Variants in DOK6 observed in about 807,000 individuals in gnomAD.
DOK6 encodes the protein downstream of tyrosine kinase 6.
Under a neutral mutation model 44.0 loss-of-function variants are expected in DOK6, and 22 were observed. The observed-to-expected ratio is 0.50, with a 90% confidence interval of 0.36 to 0.71. The LOEUF (loss-of-function observed/expected upper bound fraction) is 0.71. Among genes scored for constraint, DOK6 ranks in the 30% least tolerant of loss-of-function variants. DOK6 has a pLI of 0.00. For missense variants in DOK6, 340 were observed against 416.4 expected, an observed-to-expected ratio of 0.82 and a Z score of 1.60; for synonymous variants, 166 against 145.5, an observed-to-expected ratio of 1.14 and a Z score of -1.01.
chr18:69,624,951 C>G (rs1984523521), intron 3 of DOK6, among the ~76,000 whole-genome samples: 1 of 152,070 alleles, frequency 6.6e-6, no homozygotes, highest in African/African-American at 2.4e-5. Context: ...ACATCCCACT[C>G]TACTAAATAT....
Position 69,841,955 on chromosome 18 carries a change from T to TGTGTGCGC in DOK6, c.*577_*578insCGCGTGTG, listed in dbSNP as rs1405126269. 2.1e-5 allele frequency: 2 copies of TGTGTGCGC among 94,676 alleles called. No individual in the cohort carries two copies. The highest frequency in any genetic ancestry group is 1.2e-3 in the East Asian group (2 of 1,736). The allele number at this position is 94,676 out of a possible 1,614,324, so 5.9% of individuals were successfully genotyped here. On this transcript the variant is annotated 3_prime_UTR_variant, in exon 8 of 8. Coordinates refer to ENST00000382713, the MANE Select transcript of DOK6 (RefSeq NM_152721.6). ...AGGGCCCTGTAGCTCTACTCGTGTG[T>TGTGTGCGC]GTGTGTGCGTGTGTGTGTGTGTGTG...
intron 1 of DOK6, among the ~76,000 whole-genome samples, chr18:69,449,518 G>C (rs1415307170): frequency 1.3e-5 from 2 of 152,164 alleles, no homozygotes; most frequent in Non-Finnish European, 2.9e-5. Flanking sequence ...AACTTTATTG[G>C]GTCTTAAATA....
intron 1 of DOK6, among the ~76,000 whole-genome samples, chr18:69,552,663 T>C (rs865807832): frequency 2.0e-5 from 3 of 152,372 alleles, no homozygotes; most frequent in Middle Eastern, 3.4e-3. Flanking sequence ...ATAATCTGCA[T>C]GTTATTCAGT....
At position 69,773,812 on chromosome 18, in the gene DOK6, G is replaced by A. The variant is rs77485226; in HGVS notation, c.856+15939G>A. On this transcript the variant is annotated intron_variant, in intron 7 of 7. Coordinates refer to ENST00000382713, the MANE Select transcript of DOK6 (RefSeq NM_152721.6). ...ACTTAAAAATGTGTTAAGACTCTTG[G>A]TGGGAATGTAAACTAATACAACCAC... is the stretch of plus-strand genomic sequence containing the variant. Among the ~76,000 whole-genome samples the A allele has an allele frequency of 5.2e-3, 795 of 151,750 alleles. 5 individuals carry two copies. The highest frequency in any genetic ancestry group is 0.017 in the African/African-American group (709 of 41,444).
intron 7 of DOK6, among the ~76,000 whole-genome samples, chr18:69,774,451 A>T (rs563596907): frequency 2.3e-4 from 35 of 151,998 alleles, no homozygotes; most frequent in African/African-American, 7.9e-4. Context: ...ACAAATCACC[A>T]CTAAAAAACT....
intron 5 of DOK6, among the ~76,000 whole-genome samples, chr18:69,726,550 C>G (rs1191438367): frequency 6.6e-6 from 1 of 151,838 alleles, no homozygotes; most frequent in Non-Finnish European, 1.5e-5. Flanking sequence ...TGTTGTTGGA[C>G]TCTTAGTCCA....
chr18:69,536,768 A>G (rs2144577750), intron 1 of DOK6, among the ~76,000 whole-genome samples: 1 of 151,966 alleles, frequency 6.6e-6, no homozygotes, highest in East Asian at 1.9e-4. Context: ...TTTGTTTTAA[A>G]GGGACTTTTA....
rs200977737 is a variant in DOK6 at position 69,760,398 on chromosome 18, AT to A, written c.856+2534del. 9.2e-5 allele frequency among the ~76,000 whole-genome samples: 14 copies of A among 151,702 alleles called. 1 individual carries two copies. The highest frequency in any genetic ancestry group is 6.3e-4 in the South Asian group (3 of 4,758). ...GTAATCCCAGCACTTTGAGAGTTTG[AT>A]TTTTTTTTCCCCCAGAGCAGAAGCG... On this transcript the variant is annotated intron_variant, in intron 7 of 7. Coordinates refer to ENST00000382713, the MANE Select transcript of DOK6 (RefSeq NM_152721.6).
chr18:69,841,150 T>TA, intron 7 of DOK6, 94 bp from the exon 8 acceptor site: 1 of 1,483,992 alleles, frequency 6.7e-7, no homozygotes, highest in South Asian at 1.3e-5. Context: ...TTCTTAAAAA[T>TA]ATAGATAGAT....
At chr18:69,461,030 C>T (rs886547232) in intron 1 of DOK6, among the ~76,000 whole-genome samples, 2 of 152,130 alleles carry the variant, frequency 1.3e-5, no homozygotes, top group East Asian at 3.8e-4. Flanking sequence ...TTTCCCATAG[C>T]CTTGCTCTTA....
intron 1 of DOK6, among the ~76,000 whole-genome samples, chr18:69,498,614 A>G (rs1980961830): frequency 3.9e-5 from 6 of 152,228 alleles, no homozygotes; most frequent in Admixed American, 3.3e-4. Flanking sequence ...AACTTAGTGT[A>G]TAAGTTACCC....
chr18:69,624,696 T>C (rs1023325496), intron 3 of DOK6, among the ~76,000 whole-genome samples: 3 of 152,118 alleles, frequency 2.0e-5, no homozygotes, highest in African/African-American at 7.2e-5. Context: ...TGTGTGGGGT[T>C]ATTTTCTAAG....
intron 4 of DOK6, among the ~76,000 whole-genome samples, chr18:69,684,014 G>C (rs925876707): frequency 2.0e-5 from 3 of 152,188 alleles, no homozygotes; most frequent in African/African-American, 7.2e-5. Flanking sequence ...TACAGGGAAA[G>C]CTGAAAGGCA....
intron 7 of DOK6, among the ~76,000 whole-genome samples, chr18:69,767,947 T>C (rs903464411): frequency 6.6e-6 from 1 of 152,176 alleles, no homozygotes; most frequent in Non-Finnish European, 1.5e-5. Flanking sequence ...TTACACTGGA[T>C]TAGTATAATC....
chr18:69,716,933 T>C (rs963535318), intron 5 of DOK6, among the ~76,000 whole-genome samples: 1 of 152,178 alleles, frequency 6.6e-6, no homozygotes, highest in Admixed American at 6.5e-5. Flanking sequence ...TACTAGAATG[T>C]CATTTAAATG....
chr18:69,664,870 A>T (rs1985616343), intron 3 of DOK6, among the ~76,000 whole-genome samples: 1 of 152,178 alleles, frequency 6.6e-6, no homozygotes, highest in African/African-American at 2.4e-5. Context: ...CTCACTGAAC[A>T]TCATTTTCTT....
intron 7 of DOK6, among the ~76,000 whole-genome samples, chr18:69,823,201 C>A (rs1330088724): frequency 2.6e-5 from 4 of 152,026 alleles, no homozygotes; most frequent in African/African-American, 9.7e-5. Context: ...TCCAAAGACA[C>A]AAAAGTAAAT....
chr18:69,687,968 T>G (rs146144893), intron 4 of DOK6, among the ~76,000 whole-genome samples: 6 of 152,272 alleles, frequency 3.9e-5, no homozygotes, highest in African/African-American at 9.6e-5. Flanking sequence ...AAAGTAACTA[T>G]AGCTAACAAG....
intron 1 of DOK6, among the ~76,000 whole-genome samples, chr18:69,426,326 A>C (rs553278837): frequency 7.9e-4 from 120 of 152,282 alleles, no homozygotes; most frequent in South Asian, 2.7e-3. Flanking sequence ...TTTGCATTTT[A>C]GGATTTGTTT....
Sources: gnomAD v4.1 joint callset for allele counts (sites outside exome capture counted in the v4.1 genomes callset) on GRCh38, gnomAD v4.1.1 for gene constraint, MANE v1.5 for transcripts, NCBI Gene and HGNC (gene_info 2026-07-23, HGNC 2026-07-21) for gene names.